The following ELL variants were observed in gnomAD, a reference collection of about 807,000 sequenced individuals.
ELL encodes elongation factor for RNA polymerase II.
ELL carries 18 observed loss-of-function variants against 64.0 expected under a neutral mutation model. The ratio of observed to expected loss-of-function variants is 0.28; its 90% CI spans 0.19 to 0.42. The LOEUF (loss-of-function observed/expected upper bound fraction) is 0.42, where lower values mean the gene tolerates loss of function less well. Among genes scored for constraint, ELL ranks in the 10% least tolerant of loss-of-function variants. ELL has a pLI of 1.00. For missense variants in ELL, 797 were observed against 870.4 expected (o/e 0.92, Z 1.06); for synonymous variants, 399 against 376.2 (o/e 1.06, Z -0.70).
At position 18,508,370 on chromosome 19, in the gene ELL, G is replaced by A. The variant is rs976140877; in HGVS notation, c.135+13551C>T. ...CAATACAAGAGTCAGCAGCCAGGAG[G>A]GTAGCCTGTCCCAGAGTGGATGCCC... is the stretch of plus-strand genomic sequence containing the variant. On this transcript the variant is annotated intron_variant, in intron 1 of 11. Coordinates refer to ENST00000262809, the MANE Select transcript of ELL (RefSeq NM_006532.4). Among the ~76,000 whole-genome samples, 4 of 152,206 alleles carry A rather than the reference G, an allele frequency of 2.6e-5. No homozygotes were observed. The South Asian group carries it at 6.2e-4, about 24-fold the overall frequency.
chr19:18,444,576 G>T lies in ELL; in HGVS notation c.*176C>A, dbSNP rs961487965. On this transcript the variant is annotated 3_prime_UTR_variant, in exon 12 of 12. Coordinates refer to ENST00000262809, the MANE Select transcript of ELL (RefSeq NM_006532.4). Reference sequence around the variant, plus strand: ...GGGACTGCTCAGGAAGCGCAGGGAGGGCCGAGGTGGGCTTGCAGCCACCCG... The same window carrying T: ...GGGACTGCTCAGGAAGCGCAGGGAGTGCCGAGGTGGGCTTGCAGCCACCCG... The T allele has an allele frequency of 2.5e-5, 15 of 610,978 alleles. No homozygotes were observed. The highest frequency in any genetic ancestry group is 4.2e-5 in the Non-Finnish European group (15 of 359,164). 37.8% of individuals were successfully genotyped at this position (610,978 alleles called of 1,614,324 possible). A position where few individuals can be genotyped will look rare whatever the true frequency, so the allele number is the denominator to read the frequency against.
chr19:18,455,935 C>A (rs1189525422), intron 6 of ELL, among the ~76,000 whole-genome samples: 1 of 152,000 alleles, frequency 6.6e-6, no homozygotes, highest in East Asian at 1.9e-4. Flanking sequence ...CCCATCTCTA[C>A]TAAAAATACA....
At chr19:18,518,623 T>G (rs773520483) in intron 1 of ELL, among the ~76,000 whole-genome samples, 1 of 151,602 alleles carries the variant, frequency 6.6e-6, no homozygotes, top group African/African-American at 2.4e-5. Context: ...AAACCCCATC[T>G]CTACCAAAAA....
At chr19:18,516,198 C>T (rs1300859899) in intron 1 of ELL, among the ~76,000 whole-genome samples, 1 of 152,082 alleles carries the variant, frequency 6.6e-6, no homozygotes, top group East Asian at 1.9e-4. Flanking sequence ...TCCACACAGC[C>T]CACCCACTTA....
Position 18,450,657 on chromosome 19 carries a change from G to A in ELL, c.1285C>T (p.Leu429=), listed in dbSNP as rs954933322. Residue 429 remains leucine (L), a synonymous_variant, in exon 8 of 12, where the codon CTG becomes TTG. Transcript: ENST00000262809. ...CTGGGCTGGGCACAGTCCGTCAGCAGGGGCAGGCCGAGGCGCACAGTGGGG... is the reference window on the plus strand; with the variant it reads ...CTGGGCTGGGCACAGTCCGTCAGCAAGGGCAGGCCGAGGCGCACAGTGGGG... The part of the protein sequence containing the change: ...PAPTVRLGLP[L]LTDCAQPSRP... 1 of 1,596,452 alleles carries A rather than the reference G, an allele frequency of 6.3e-7. No individual in the cohort carries two copies. The highest frequency in any genetic ancestry group is 8.5e-7 in the Non-Finnish European group (1 of 1,172,212).
At position 18,467,293 on chromosome 19, in the gene ELL, C is replaced by A. The variant is rs1042727510; in HGVS notation, c.184-1375G>T. ...TGCCCCTTCCCCAGGCTGAACACTG[C>A]CCCAGGAAAAAAGCCGTCCCATCTG... is the stretch of plus-strand genomic sequence containing the variant. On this transcript the variant is annotated intron_variant, in intron 2 of 11. Coordinates refer to ENST00000262809, the MANE Select transcript of ELL (RefSeq NM_006532.4). 2.6e-5 allele frequency among the ~76,000 whole-genome samples: 4 copies of A among 152,088 alleles called. No individual in the cohort carries two copies. The East Asian group carries it at 5.8e-4, about 22-fold the overall frequency.
At chr19:18,473,532 T>C (rs1975108899) in intron 1 of ELL, among the ~76,000 whole-genome samples, 1 of 152,210 alleles carries the variant, frequency 6.6e-6, no homozygotes, top group South Asian at 2.1e-4. Context: ...GGCAGTCACA[T>C]GGCTTCTGGA....
chr19:18,465,937 GGT>G lies in ELL; in HGVS notation c.184-21_184-20del, dbSNP rs1456235437. On this transcript the variant is annotated intron_variant, in intron 2 of 11. Transcript: ENST00000262809. ...AGATGTGCTGCGTGGAGGGGGAGGG[GGT>G]GTCACTGGGAGGTCCTCGGCAGGAC... 7.8e-7 allele frequency: 1 copy of G among 1,289,998 alleles called. No individual in the cohort carries two copies. Among genetic ancestry groups the G allele is most frequent in the African/African-American group, 1.5e-5 (1 of 66,118 alleles). The allele number at this position is 1,289,998 out of a possible 1,614,324, so 79.9% of individuals were successfully genotyped here. A position where few individuals can be genotyped will look rare whatever the true frequency, so the allele number is the denominator to read the frequency against.
At chr19:18,512,829 C>T (rs1007267623) in intron 1 of ELL, among the ~76,000 whole-genome samples, 8 of 152,246 alleles carry the variant, frequency 5.3e-5, no homozygotes, top group Admixed American at 5.2e-4. Context: ...CAGCCTGGAG[C>T]CCCAAATTGT....
At chr19:18,495,716 T>G (rs77852139) in intron 1 of ELL, among the ~76,000 whole-genome samples, 19,555 of 152,178 alleles carry the variant, frequency 0.13, 1,311 homozygotes, top group South Asian at 0.2. Context: ...CCCTGCCCCC[T>G]GTACGAGTGG....
intron 1 of ELL, among the ~76,000 whole-genome samples, chr19:18,514,648 A>C (rs1330932029): frequency 6.6e-6 from 1 of 151,962 alleles, no homozygotes; most frequent in Non-Finnish European, 1.5e-5. Flanking sequence ...TCTGTGGCTG[A>C]CTACACAGGT....
chr19:18,474,863 C>T (rs1290126765), intron 1 of ELL, among the ~76,000 whole-genome samples: 7 of 152,248 alleles, frequency 4.6e-5, no homozygotes, highest in Non-Finnish European at 8.8e-5. Flanking sequence ...TGGTTCACGC[C>T]TGTAATCCCA....
intron 1 of ELL, chr19:18,475,689 C>A (rs923791613): frequency 6.6e-6 from 1 of 152,188 alleles, no homozygotes; most frequent in Admixed American, 6.5e-5. Context: ...TGTATGACTC[C>A]ATTTCTATAA....
At position 18,522,039 on chromosome 19, in the gene ELL, T is replaced by G. The variant is rs1388592816; in HGVS notation, c.17A>C (p.Glu6Ala). 6.2e-7 allele frequency: 1 copy of G among 1,603,132 alleles called. No homozygotes were observed. Among genetic ancestry groups the G allele is most frequent in the Non-Finnish European group, 8.5e-7 (1 of 1,174,012 alleles). Residue 6 changes from glutamate (E) to alanine (A), a missense_variant, in exon 1 of 12, where the codon GAG becomes GCG. By Grantham distance (107) the Glu-to-Ala change is moderately radical (BLOSUM62 -1). Transcript: ENST00000262809. ...GCACGACAGCCCGTAGCTCCTATCC[T>G]CCTTCAGCGCCGCCATCTTGCGACC... MAALK[E>A]DRSYGLSCGR...
intron 1 of ELL, among the ~76,000 whole-genome samples, chr19:18,508,915 C>T (rs1424512509): frequency 6.6e-6 from 1 of 152,132 alleles, no homozygotes; most frequent in Non-Finnish European, 1.5e-5. Context: ...ACACTACAGC[C>T]CACTCTGTCC....
Position 18,446,495 on chromosome 19 carries a change from A to G in ELL, c.1533-15T>C. 6.2e-7 allele frequency: 1 copy of G among 1,608,742 alleles called. No individual in the cohort carries two copies. The highest frequency in any genetic ancestry group is 8.5e-7 in the Non-Finnish European group (1 of 1,178,580). On this transcript the variant is annotated splice_polypyrimidine_tract_variant and intron_variant, in intron 9 of 11. Coordinates refer to ENST00000262809, the MANE Select transcript of ELL (RefSeq NM_006532.4). ...CTGCGTACTTCCTGAAACAGGAGAG[A>G]GGGGCCACTGAGTGGAGGCTGGAAG...
intron 1 of ELL, among the ~76,000 whole-genome samples, chr19:18,511,253 C>T (rs990700346): frequency 1.4e-5 from 2 of 144,596 alleles, no homozygotes; most frequent in Non-Finnish European, 3.0e-5. Context: ...GGTGACAGAG[C>T]GAAACTCCGT....
chr19:18,510,173 G>C (rs1227435108), intron 1 of ELL, among the ~76,000 whole-genome samples: 1 of 152,250 alleles, frequency 6.6e-6, no homozygotes, highest in African/African-American at 2.4e-5. Flanking sequence ...TTTGAGGCCA[G>C]CCTGGCCAGC....
intron 1 of ELL, among the ~76,000 whole-genome samples, chr19:18,483,592 G>T (rs1299995836): frequency 1.3e-5 from 2 of 152,154 alleles, no homozygotes; most frequent in African/African-American, 4.8e-5. Flanking sequence ...GGAAAATGAG[G>T]TACTGAGAGA....
Sources: gnomAD v4.1 joint callset for allele counts (sites outside exome capture counted in the v4.1 genomes callset) on GRCh38, gnomAD v4.1.1 for gene constraint, MANE v1.5 for transcripts, NCBI Gene and HGNC (gene_info 2026-07-23, HGNC 2026-07-21) for gene names.